The following KCNIP3 variants were observed in gnomAD, a reference collection of about 807,000 sequenced individuals.
The protein encoded by KCNIP3 is calsenilin.
KCNIP3 carries 28 observed loss-of-function variants against 35.0 expected under a neutral mutation model. The observed-to-expected ratio is 0.80, with a 90% confidence interval of 0.59 to 1.10. The LOEUF is 1.10. Among genes scored for constraint, KCNIP3 ranks in the 50% least tolerant of loss-of-function variants. The probability of loss-of-function intolerance (pLI) is 0.00; values close to 1 mark genes in which losing one functional copy is unlikely to be tolerated. For missense variants in KCNIP3, 295 were observed against 338.4 expected, an observed-to-expected ratio of 0.87 and a Z score of 1.01; for synonymous variants, 134 against 133.8, an observed-to-expected ratio of 1.00 and a Z score of -0.01.
At chr2:95,359,476 G>A (rs1371038495) in intron 2 of KCNIP3, among the ~76,000 whole-genome samples, 1 of 152,150 alleles carries the variant, frequency 6.6e-6, no homozygotes, top group East Asian at 1.9e-4. Flanking sequence ...CTGGGGCCCT[G>A]GGCACCCCCA....
chr2:95,344,759 T>G (rs1414873305), intron 2 of KCNIP3, among the ~76,000 whole-genome samples: 3 of 152,210 alleles, frequency 2.0e-5, no homozygotes, highest in Non-Finnish European at 4.4e-5. Context: ...CTGGAGCCCC[T>G]GCCACGTGCC....
intron 2 of KCNIP3, chr2:95,311,843 T>G (rs889853): frequency 0.77 from 117,039 of 152,098 alleles, 45,544 homozygotes; most frequent in African/African-American, 0.87. Flanking sequence ...CATGAGTGAG[T>G]TCCACATGCA....
At chr2:95,316,160 A>G (rs1312158869) in intron 2 of KCNIP3, among the ~76,000 whole-genome samples, 3 of 152,234 alleles carry the variant, frequency 2.0e-5, no homozygotes, top group African/African-American at 7.2e-5. Context: ...ATGGCCCCGT[A>G]GAGCATTCCA....
In KCNIP3 at chr2:95,382,998, G is replaced by A. The variant is rs1181211967; in HGVS notation, c.661-234G>A. On this transcript the variant is annotated intron_variant, in intron 7 of 8. Coordinates refer to ENST00000295225, the MANE Select transcript of KCNIP3 (RefSeq NM_013434.5). This position sits in a 1 kb window ranked among gnomAD's most constrained non-coding sequence, Gnocchi z 4.5. ...GAGGGCTCAGGGAATTGGCCTAGGG[G>A]AGCAGTGGGGAGATGCTTGGAGCCT... is the stretch of plus-strand genomic sequence containing the variant. Among the ~76,000 whole-genome samples, 1 of 152,228 alleles carries A rather than the reference G, an allele frequency of 6.6e-6. No homozygotes were observed. The highest frequency in any genetic ancestry group is 2.4e-5 in the African/African-American group (1 of 41,452).
intron 2 of KCNIP3, among the ~76,000 whole-genome samples, chr2:95,358,461 T>C (rs1472302686): frequency 6.6e-6 from 1 of 152,234 alleles, no homozygotes; most frequent in African/African-American, 2.4e-5. Context: ...AAAGTCCTCA[T>C]GCTTTTACTC....
At chr2:95,372,615 G>A (rs997949606) in intron 2 of KCNIP3, among the ~76,000 whole-genome samples, 3 of 152,212 alleles carry the variant, frequency 2.0e-5, no homozygotes, top group African/African-American at 7.2e-5. Context: ...CAAGTGGCAG[G>A]TTTGCCTTTG....
chr2:95,351,138 C>T (rs1004001801), intron 2 of KCNIP3, among the ~76,000 whole-genome samples: 15 of 152,270 alleles, frequency 9.9e-5, no homozygotes, highest in Admixed American at 9.2e-4. Flanking sequence ...CTCTCTTCCC[C>T]AGCTCCAGGT....
chr2:95,378,661 A>C lies in KCNIP3; in HGVS notation c.448-2935A>C, dbSNP rs945184777. On this transcript the variant is annotated intron_variant, in intron 5 of 8. Coordinates refer to ENST00000295225, the MANE Select transcript of KCNIP3 (RefSeq NM_013434.5). The surrounding 1 kb of genome is among the most constrained non-coding windows in gnomAD (Gnocchi z 4.0). ...CTTGGGAGGCTGAGGCAAGTGAATC[A>C]CTTTGAGCCCAGGAGTCAGAGGTTG... Among the ~76,000 whole-genome samples, 3 of 151,514 alleles carry C rather than the reference A, an allele frequency of 2.0e-5. No individual in the cohort carries two copies. Among genetic ancestry groups the C allele is most frequent in the African/African-American group, 7.3e-5 (3 of 41,208 alleles).
chr2:95,297,432 G>A lies in KCNIP3; in HGVS notation c.-7G>A, dbSNP rs956955970. 7.7e-6 allele frequency: 11 copies of A among 1,435,364 alleles called. No homozygotes were observed. The highest frequency in any genetic ancestry group is 4.5e-5 in the African/African-American group (3 of 66,844). The allele number at this position is 1,435,364 out of a possible 1,614,324, so 88.9% of individuals were successfully genotyped here. On this transcript the variant is annotated 5_prime_UTR_variant, in exon 1 of 9. Coordinates refer to ENST00000295225, the MANE Select transcript of KCNIP3 (RefSeq NM_013434.5). ...GAGGCTGGCAACAGTTTTCTTCAGC[G>A]CCCAGGATGCAGCCGGCTAAGGTAG...
chr2:95,355,031 C>T (rs183615462), intron 2 of KCNIP3: 1 of 152,412 alleles, frequency 6.6e-6, no homozygotes, highest in Admixed American at 6.5e-5. Context: ...ATCTTGTCCT[C>T]ATGAGCAGGC....
At chr2:95,346,463 C>A (rs940145709) in intron 2 of KCNIP3, among the ~76,000 whole-genome samples, 50 of 150,450 alleles carry the variant, frequency 3.3e-4, no homozygotes, top group African/African-American at 1.2e-3. Context: ...GGGGCCGGCT[C>A]CCTCCGCCCT....
intron 2 of KCNIP3, among the ~76,000 whole-genome samples, chr2:95,324,386 C>T (rs1462691822): frequency 2.8e-4 from 43 of 151,762 alleles, no homozygotes; most frequent in Admixed American, 2.4e-3. Flanking sequence ...TGGTGGCGGG[C>T]GCCTGTAGTC....
intron 2 of KCNIP3, among the ~76,000 whole-genome samples, chr2:95,346,333 C>T (rs535727988): frequency 0.014 from 2,188 of 151,550 alleles, 30 homozygotes; most frequent in Non-Finnish European, 0.021. Context: ...CCCTCCCCAG[C>T]CCCTCGGCCC....
chr2:95,361,902 A>G (rs1367347825), intron 2 of KCNIP3, among the ~76,000 whole-genome samples: 3 of 152,190 alleles, frequency 2.0e-5, no homozygotes, highest in African/African-American at 7.2e-5. Context: ...CCATAACAAA[A>G]TAACACAGAC....
intron 2 of KCNIP3, among the ~76,000 whole-genome samples, chr2:95,362,256 A>C (rs1465599807): frequency 6.6e-6 from 1 of 151,862 alleles, no homozygotes; most frequent in Non-Finnish European, 1.5e-5. Context: ...ACAGGCATGC[A>C]CCACTATGCC....
At chr2:95,338,311 G>A (rs1166979089) in intron 2 of KCNIP3, among the ~76,000 whole-genome samples, 1 of 152,174 alleles carries the variant, frequency 6.6e-6, no homozygotes, top group African/African-American at 2.4e-5. Context: ...TAATTATGGC[G>A]ACTTAAATGA....
intron 2 of KCNIP3, among the ~76,000 whole-genome samples, chr2:95,321,517 C>T (rs1402001293): frequency 2.6e-5 from 4 of 152,198 alleles, no homozygotes; most frequent in Admixed American, 2.0e-4. Flanking sequence ...CAAAATTGGG[C>T]ACATCTGGCT....
chr2:95,332,055 C>T (rs564655921), intron 2 of KCNIP3, among the ~76,000 whole-genome samples: 1 of 152,334 alleles, frequency 6.6e-6, no homozygotes, highest in African/African-American at 2.4e-5. Context: ...GCTAACAGGT[C>T]CCTTTGACTG....
rs978542411 is a variant in KCNIP3, at chr2:95,346,200, G to A, written c.182-28096G>A. On this transcript the variant is annotated intron_variant, in intron 2 of 8. Coordinates refer to ENST00000295225, the MANE Select transcript of KCNIP3 (RefSeq NM_013434.5). ...GACCGGGGTTGCGGGAAATGCGCCG[G>A]GGAGTGAGGGCTTCCCGGATCCCCC... Among the ~76,000 whole-genome samples the A allele has an allele frequency of 6.6e-5, 10 of 152,274 alleles. 1 individual carries two copies. The highest frequency in any genetic ancestry group is 5.9e-4 in the Admixed American group (9 of 15,310).
Sources: gnomAD v4.1 joint callset for allele counts (sites outside exome capture counted in the v4.1 genomes callset) on GRCh38, gnomAD v4.1.1 for gene constraint, Gnocchi (gnomAD v3.1) non-coding constraint, MANE v1.5 for transcripts, NCBI Gene and HGNC (gene_info 2026-07-23, HGNC 2026-07-21) for gene names.